The following PDE1C variants were observed in gnomAD, a reference collection of about 807,000 sequenced individuals.
PDE1C encodes the protein phosphodiesterase 1C, also known as dual specificity calcium/calmodulin-dependent 3',5'-cyclic nucleotide phosphodiesterase 1C.
A neutral mutation model predicts 93.1 loss-of-function variants in PDE1C; 62 were observed. The observed-to-expected ratio is 0.67, with a 90% CI of 0.54 to 0.82. PDE1C has a LOEUF of 0.82. PDE1C is among the 40% of genes least tolerant of loss of function. The pLI, the probability that PDE1C is intolerant of heterozygous loss-of-function variation, is 0.00. For synonymous variants in PDE1C, 325 were observed against 310.1 expected, an observed-to-expected ratio of 1.05 and a Z score of -0.50; for missense variants, 742 against 884.6, an observed-to-expected ratio of 0.84 and a Z score of 2.04.
intron 16 of PDE1C, among the ~76,000 whole-genome samples, chr7:31,799,014 G>A (rs189534750): frequency 3.3e-5 from 5 of 151,542 alleles, no homozygotes; most frequent in African/African-American, 9.7e-5. Flanking sequence ...AAAGAATAAC[G>A]TGAGTATGAT....
the PDE1C span, chr7:31,658,259 A>G: frequency 6.7e-7 from 1 of 1,491,362 alleles, no homozygotes; most frequent in Non-Finnish European, 8.8e-7. Context: ...TTTAACACAT[A>G]TTCTCTTATA....
At chr7:32,294,518 TG>T in intron 1 of PDE1C, among the ~76,000 whole-genome samples, 1 of 152,190 alleles carries the variant, frequency 6.6e-6, no homozygotes, top group South Asian at 2.1e-4. Flanking sequence ...ATCTGTAAAA[TG>T]AACAGGGAGG....
intron 1 of PDE1C, among the ~76,000 whole-genome samples, chr7:32,066,106 G>A (rs770400581): frequency 1.3e-5 from 2 of 152,184 alleles, no homozygotes; most frequent in Non-Finnish European, 2.9e-5. Flanking sequence ...GAAAAGCAAA[G>A]CCTCCCTTTC....
intron 1 of PDE1C, among the ~76,000 whole-genome samples, chr7:32,362,400 T>C (rs1489556747): frequency 6.6e-6 from 1 of 152,164 alleles, no homozygotes; most frequent in Non-Finnish European, 1.5e-5. Flanking sequence ...GTAGGTCACA[T>C]CTCAGCCCTG....
At chr7:32,412,909 A>G (rs879853747) in intron 1 of PDE1C, among the ~76,000 whole-genome samples, 2 of 151,500 alleles carry the variant, frequency 1.3e-5, no homozygotes, top group Non-Finnish European at 2.9e-5. Flanking sequence ...CATAGCACGG[A>G]AAAAAAAATT....
At chr7:31,644,086 T>C in the PDE1C span, 18 of 753,684 alleles carry the variant, frequency 2.4e-5, no homozygotes, top group Admixed American at 4.4e-4. Context: ...TGAATAACAT[T>C]TGTAGAGTGC....
At chr7:32,208,719 C>A (rs536203648) in intron 2 of PDE1C, among the ~76,000 whole-genome samples, 5 of 152,258 alleles carry the variant, frequency 3.3e-5, no homozygotes, top group East Asian at 1.9e-4. Flanking sequence ...TTTTCCCCCC[C>A]CTTCTTTGGA....
At chr7:31,867,981 C>T (rs1299177903) in intron 6 of PDE1C, among the ~76,000 whole-genome samples, 5 of 152,246 alleles carry the variant, frequency 3.3e-5, no homozygotes, top group Admixed American at 3.3e-4. Context: ...CACTACTACA[C>T]ACAGCCAGAA....
chr7:32,337,893 C>T (rs1222868032), intron 1 of PDE1C, among the ~76,000 whole-genome samples: 1 of 152,148 alleles, frequency 6.6e-6, no homozygotes, highest in East Asian at 1.9e-4. Context: ...GGAGTCTTTT[C>T]AACAAGTGGT....
chr7:32,385,433 G>A (rs901443470), intron 1 of PDE1C, among the ~76,000 whole-genome samples: 5 of 152,144 alleles, frequency 3.3e-5, no homozygotes, highest in African/African-American at 1.2e-4. Flanking sequence ...TTCAAAGGCT[G>A]AAATATGGGA....
rs1179412628 is a variant in PDE1C, at chr7:31,927,109, G to A, written c.129-46249C>T. ...CAGCAATCTGAAGTTGACCTGGGAC[G>A]ATTGAGCTTGGTGTGGGGAGGTGCA... On this transcript the variant is annotated intron_variant, in intron 2 of 17. Coordinates refer to ENST00000396191, the MANE Select transcript of PDE1C (RefSeq NM_001191057.4). 2.0e-5 allele frequency among the ~76,000 whole-genome samples: 3 copies of A among 152,132 alleles called. No individual in the cohort carries two copies. The East Asian group carries it at 5.8e-4, about 29-fold the overall frequency.
At chr7:32,074,553 C>T (rs59083578), upstream of PDE1C, among the ~76,000 whole-genome samples, 17,546 of 152,230 alleles carry the variant, frequency 0.12, 1,042 homozygotes, top group African/African-American at 0.14. Context: ...CTCATGTTCT[C>T]TTGCCTTTGC....
chr7:31,648,768 A>G, the PDE1C span, among the ~76,000 whole-genome samples: 2 of 152,206 alleles, frequency 1.3e-5, no homozygotes, highest in East Asian at 3.8e-4. Flanking sequence ...AGAACCACTC[A>G]AACAGCTCGC....
At chr7:32,354,441 A>T (rs1017140921) in intron 1 of PDE1C, among the ~76,000 whole-genome samples, 2 of 152,186 alleles carry the variant, frequency 1.3e-5, no homozygotes, top group African/African-American at 4.8e-5. Flanking sequence ...AGTCTGAGCA[A>T]CATAGTGGGA....
At chr7:32,027,497 C>G (rs1358382296) in intron 2 of PDE1C, among the ~76,000 whole-genome samples, 1 of 148,446 alleles carries the variant, frequency 6.7e-6, no homozygotes, top group Non-Finnish European at 1.5e-5. Flanking sequence ...TAGAAGAATG[C>G]TAAATTTACC....
At chr7:31,747,089 A>G (rs756051413), downstream of PDE1C, among the ~76,000 whole-genome samples, 12 of 152,192 alleles carry the variant, frequency 7.9e-5, no homozygotes, top group Non-Finnish European at 1.2e-4. Context: ...GAATCATGCC[A>G]TTGCTGCTGG....
the PDE1C span, among the ~76,000 whole-genome samples, chr7:31,690,525 G>A: frequency 6.6e-6 from 1 of 152,142 alleles, no homozygotes; most frequent in South Asian, 2.1e-4. Flanking sequence ...CTATTACATT[G>A]GGCCCCATTT....
chr7:31,933,930 G>T (rs1245595281), intron 2 of PDE1C, among the ~76,000 whole-genome samples: 1 of 152,112 alleles, frequency 6.6e-6, no homozygotes, highest in Non-Finnish European at 1.5e-5. Context: ...CCAGTCTCAG[G>T]TTTTTCTTTA....
chr7:32,074,753 G>T (rs1031142182), upstream of PDE1C, among the ~76,000 whole-genome samples: 1 of 152,226 alleles, frequency 6.6e-6, no homozygotes, highest in Non-Finnish European at 1.5e-5. Context: ...TGCATGAAAG[G>T]TGGGTGGAGG....
Sources: gnomAD v4.1 joint callset for allele counts (sites outside exome capture counted in the v4.1 genomes callset) on GRCh38, gnomAD v4.1.1 for gene constraint, MANE v1.5 for transcripts, NCBI Gene and HGNC (gene_info 2026-07-23, HGNC 2026-07-21) for gene names.